HDAC9: variants seen among roughly 807,000 people sequenced by gnomAD.
The protein encoded by HDAC9 is histone deacetylase 9, also known as MEF-2 interacting transcription repressor (MITR) protein.
In HDAC9, 41 loss-of-function variants were observed where a neutral mutation model predicts 139.4. The observed-to-expected ratio is 0.29, with a 90% CI of 0.23 to 0.38. The LOEUF is 0.38. Among genes scored for constraint, HDAC9 ranks in the 10% least tolerant of loss-of-function variants. The probability of loss-of-function intolerance (pLI) is 1.00; values close to 1 mark genes in which losing one functional copy is unlikely to be tolerated. For synonymous variants in HDAC9, 517 were observed against 476.2 expected (o/e 1.09, Z -1.12); for missense variants, 1,147 against 1,297.0 (o/e 0.88, Z 1.78).
chr7:18,371,310 A>G lies in HDAC9; in HGVS notation c.-42+80795A>G, dbSNP rs549646121. Among the ~76,000 whole-genome samples, 203 of 152,188 alleles carry G rather than the reference A, an allele frequency of 1.3e-3. 1 individual carries two copies. The highest frequency in any genetic ancestry group is 3.2e-3 in the Middle Eastern group (1 of 316). On this transcript the variant is annotated intron_variant, in intron 1 of 3. Transcript: ENST00000413509. ...TTGTTTTGTTTTTCCTGTAGAAAGT[A>G]TGTAGCACCTTTATTGTTAACTGTT...
At chr7:18,593,826 A>T in intron 5 of HDAC9, 82 bp from the exon 6 acceptor site, 1 of 1,447,724 alleles carries the variant, frequency 6.9e-7, no homozygotes, top group Non-Finnish European at 9.6e-7. Context: ...AGGCACGTGT[A>T]CAGCGTGTGC....
At chr7:18,536,609 A>G (rs1406207548) in intron 2 of HDAC9, among the ~76,000 whole-genome samples, 1 of 152,212 alleles carries the variant, frequency 6.6e-6, no homozygotes, top group Non-Finnish European at 1.5e-5. Flanking sequence ...AATCTAGCTA[A>G]TACATTATGG....
At chr7:18,907,716 C>A (rs1802389114) in intron 22 of HDAC9, among the ~76,000 whole-genome samples, 1 of 152,144 alleles carries the variant, frequency 6.6e-6, no homozygotes, top group Admixed American at 6.5e-5. Context: ...AAACAAAACT[C>A]ACCAAAGGGC....
At chr7:18,259,461 C>G (rs1295665822) in intron 2 of HDAC9, among the ~76,000 whole-genome samples, 1 of 152,172 alleles carries the variant, frequency 6.6e-6, no homozygotes, top group Non-Finnish European at 1.5e-5. Context: ...CTCCCAGGCT[C>G]CAGAGATCCT....
upstream of HDAC9, among the ~76,000 whole-genome samples, chr7:18,492,058 C>T (rs984360130): frequency 6.6e-6 from 1 of 152,012 alleles, no homozygotes; most frequent in Admixed American, 6.6e-5. Context: ...AGCCGCCTAA[C>T]ATGATGCAAC....
At chr7:18,467,079 T>C (rs1194492808) in intron 1 of HDAC9, among the ~76,000 whole-genome samples, 1 of 152,220 alleles carries the variant, frequency 6.6e-6, no homozygotes, top group Admixed American at 6.5e-5. Context: ...TCTGTAAAAC[T>C]ACCTACTTGG....
chr7:18,582,485 A>G (rs1298521425), intron 2 of HDAC9, among the ~76,000 whole-genome samples: 1 of 152,064 alleles, frequency 6.6e-6, no homozygotes, highest in African/African-American at 2.4e-5. Flanking sequence ...AGGCTTGATA[A>G]ATCTATTTTG....
At chr7:18,567,703 C>T (rs1822836337) in intron 2 of HDAC9, among the ~76,000 whole-genome samples, 1 of 152,048 alleles carries the variant, frequency 6.6e-6, no homozygotes, top group African/African-American at 2.4e-5. Flanking sequence ...AGTTTTTAAA[C>T]AATACCTAAC....
At chr7:18,805,110 T>G (rs1436419742) in intron 17 of HDAC9, among the ~76,000 whole-genome samples, 1 of 152,198 alleles carries the variant, frequency 6.6e-6, no homozygotes, top group Non-Finnish European at 1.5e-5. Context: ...TGGAAGATTC[T>G]TAAAAGGAAT....
intron 1 of HDAC9, among the ~76,000 whole-genome samples, chr7:18,131,445 G>C (rs181643733): frequency 6.6e-6 from 1 of 152,150 alleles, no homozygotes; most frequent in Non-Finnish European, 1.5e-5. Context: ...GGTTTCTTGG[G>C]AAATTAGGGG....
At chr7:18,884,218 A>G (rs532085116) in intron 22 of HDAC9, among the ~76,000 whole-genome samples, 4 of 152,310 alleles carry the variant, frequency 2.6e-5, no homozygotes, top group East Asian at 3.9e-4. Context: ...GTGTGGAACC[A>G]CAAAAGACCC....
At chr7:18,708,420 A>G (rs1393933883) in intron 12 of HDAC9, among the ~76,000 whole-genome samples, 1 of 152,230 alleles carries the variant, frequency 6.6e-6, no homozygotes, top group Non-Finnish European at 1.5e-5. Context: ...TAACTGTCAC[A>G]TGTTTAAAAA....
chr7:18,226,067 A>C lies in HDAC9; in HGVS notation c.25+63718A>C, dbSNP rs796941724. 2.0e-5 allele frequency among the ~76,000 whole-genome samples: 3 copies of C among 152,186 alleles called. No homozygotes were observed. In the South Asian group the frequency reaches 6.2e-4, roughly 32 times the overall value. ...AATGCTAACTTGCCTCTTTCCAGCTATCTTGAAATGTACTTAACTGTAACA... is the reference window on the plus strand; with the variant it reads ...AATGCTAACTTGCCTCTTTCCAGCTCTCTTGAAATGTACTTAACTGTAACA... On this transcript the variant is annotated intron_variant, in intron 2 of 12. Transcript: ENST00000417496.
intron 1 of HDAC9, among the ~76,000 whole-genome samples, chr7:18,319,609 A>G (rs1799891210): frequency 6.6e-6 from 1 of 152,164 alleles, no homozygotes. Flanking sequence ...TTCTTTTTTG[A>G]CTTTTAAAAC....
At position 18,762,199 on chromosome 7, in the gene HDAC9, G is replaced by A; in HGVS notation, c.2086G>A (p.Val696Ile). ...AGCCAGCCTGGAGGAAATACAGCTT[G>A]TTCATTCTGAACATCACTCACTGTT... ...RKASLEEIQL[V>I]HSEHHSLLYG... The change falls in exon 15 of 26, where the codon GTT becomes ATT. Residue 696 changes from valine (V) to isoleucine (I), a missense_variant. By Grantham distance (29) the Val-to-Ile change is conservative. Around this residue, in one of 7 missense-constraint regions of HDAC9, gnomAD observed 407 missense variants for 521.5 expected, o/e 0.78. Transcript: ENST00000686413. 2 of 1,613,592 alleles carry A rather than the reference G, an allele frequency of 1.2e-6. No homozygotes were observed. The highest frequency in any genetic ancestry group is 1.7e-6 in the Non-Finnish European group (2 of 1,179,708).
At chr7:18,678,294 TCCC>T (rs2129088255) in intron 12 of HDAC9, among the ~76,000 whole-genome samples, 1 of 152,022 alleles carries the variant, frequency 6.6e-6, no homozygotes, top group African/African-American at 2.4e-5. Context: ...GATTATGATG[TCCC>T]TTAATGTGGT....
At chr7:18,483,137 G>C (rs962374418) in intron 1 of HDAC9, among the ~76,000 whole-genome samples, 2 of 152,128 alleles carry the variant, frequency 1.3e-5, no homozygotes, top group Non-Finnish European at 2.9e-5. Context: ...AAATAATATG[G>C]AAGCTAATGG....
At chr7:18,593,068 C>T (rs976818079) in intron 5 of HDAC9, among the ~76,000 whole-genome samples, 5 of 151,978 alleles carry the variant, frequency 3.3e-5, no homozygotes, top group African/African-American at 9.7e-5. Flanking sequence ...TAACCACAAA[C>T]GATTAATTTA....
chr7:18,934,795 A>G (rs1044190432), intron 22 of HDAC9, among the ~76,000 whole-genome samples: 1 of 152,198 alleles, frequency 6.6e-6, no homozygotes, highest in Non-Finnish European at 1.5e-5. Flanking sequence ...TTTAAGACTC[A>G]ACAATTCTGT....
Sources: gnomAD v4.1 joint callset for allele counts (sites outside exome capture counted in the v4.1 genomes callset) on GRCh38, gnomAD v4.1.1 for gene constraint, gnomAD v4.1.1 regional missense constraint, MANE v1.5 for transcripts, NCBI Gene and HGNC (gene_info 2026-07-23, HGNC 2026-07-21) for gene names.